RBKS: variants seen among roughly 807,000 people sequenced by gnomAD.
RBKS encodes ribokinase.
Under a neutral mutation model 33.9 loss-of-function variants are expected in RBKS, and 33 were observed. That is an observed-to-expected ratio of 0.97 (90% CI 0.74 to 1.30). The LOEUF is 1.30. Ranked by LOEUF, RBKS falls within the 50% of genes most tolerant of loss-of-function variation. The pLI is 0.00. For synonymous variants in RBKS, 125 were observed against 143.0 expected, an observed-to-expected ratio of 0.87 and a Z score of 0.90; for missense variants, 361 against 392.6, an observed-to-expected ratio of 0.92 and a Z score of 0.68.
At chr2:27,877,577 G>GC (rs893148313) in intron 1 of RBKS, among the ~76,000 whole-genome samples, 7 of 151,642 alleles carry the variant, frequency 4.6e-5, no homozygotes, top group African/African-American at 7.3e-5. Context: ...AACCGCCCCT[G>GC]CCCCCCCAAT....
chr2:27,866,657 C>G (rs899168653), intron 1 of RBKS, among the ~76,000 whole-genome samples: 1 of 152,140 alleles, frequency 6.6e-6, no homozygotes, highest in Non-Finnish European at 1.5e-5. Flanking sequence ...GTCATGTTCA[C>G]TCTGCTATTA....
intron 6 of RBKS, among the ~76,000 whole-genome samples, chr2:27,830,056 G>A (rs973041313): frequency 1.3e-5 from 2 of 152,152 alleles, no homozygotes; most frequent in Non-Finnish European, 2.9e-5. Flanking sequence ...TGGGGCTAGT[G>A]TACAGCCAGC....
intron 1 of RBKS, chr2:27,861,640 G>C (rs1343350031): frequency 2.3e-6 from 1 of 435,812 alleles, no homozygotes; most frequent in Non-Finnish European, 4.7e-6. Context: ...GGAATAAGGA[G>C]ATTAGTATGT....
chr2:27,782,764 CTTTAAT>C (rs1356836536), intron 7 of RBKS: 20 of 308,442 alleles, frequency 6.5e-5, no homozygotes, highest in South Asian at 8.3e-5. Flanking sequence ...CTCTTTGTTT[CTTTAAT>C]TTTAATTTTT....
intron 7 of RBKS, among the ~76,000 whole-genome samples, chr2:27,788,219 G>A (rs570112085): frequency 3.3e-5 from 5 of 152,156 alleles, no homozygotes; most frequent in African/African-American, 1.2e-4. Context: ...ACATTGTACT[G>A]GATTGCCTAG....
chr2:27,846,046 C>A (rs1242080034), intron 4 of RBKS, among the ~76,000 whole-genome samples: 1 of 152,006 alleles, frequency 6.6e-6, no homozygotes, highest in Non-Finnish European at 1.5e-5. Context: ...CTCACTGCAA[C>A]CTCCGCCTTG....
At chr2:27,844,787 T>A (rs1663589829) in intron 4 of RBKS, among the ~76,000 whole-genome samples, 1 of 152,212 alleles carries the variant, frequency 6.6e-6, no homozygotes, top group Non-Finnish European at 1.5e-5. Flanking sequence ...CTGTTCCTTT[T>A]TACTTTTTAA....
At chr2:27,838,592 C>G (rs546694989) in intron 5 of RBKS, among the ~76,000 whole-genome samples, 1 of 152,260 alleles carries the variant, frequency 6.6e-6, no homozygotes, top group South Asian at 2.1e-4. Context: ...GTGTAAATGC[C>G]ATAAAGAAAG....
At chr2:27,858,689 T>C (rs942235969) in intron 1 of RBKS, 118 bp from the exon 2 acceptor site, 14 of 853,298 alleles carry the variant, frequency 1.6e-5, no homozygotes, top group Non-Finnish European at 2.5e-5. Flanking sequence ...CAATTAGAAC[T>C]ATAAGCAGAA....
chr2:27,886,651 A>C (rs1354476073), intron 1 of RBKS, among the ~76,000 whole-genome samples: 1 of 152,148 alleles, frequency 6.6e-6, no homozygotes, highest in Non-Finnish European at 1.5e-5. Context: ...AAGTAGGAGG[A>C]TCGCTTGAGC....
chr2:27,867,622 A>C (rs1403771169), intron 1 of RBKS, among the ~76,000 whole-genome samples: 1 of 152,166 alleles, frequency 6.6e-6, no homozygotes, highest in Non-Finnish European at 1.5e-5. Flanking sequence ...TAAAAATTAA[A>C]ATACTACCTA....
intron 1 of RBKS, among the ~76,000 whole-genome samples, chr2:27,884,155 C>G (rs1026863935): frequency 6.6e-6 from 1 of 152,132 alleles, no homozygotes; most frequent in East Asian, 1.9e-4. Context: ...ATATGACAAG[C>G]CAAGAGGCTT....
At chr2:27,870,561 G>GT (rs1046192411) in intron 1 of RBKS, 1 of 346,576 alleles carries the variant, frequency 2.9e-6, no homozygotes, top group African/African-American at 2.1e-5. Flanking sequence ...GCGAAGAGAC[G>GT]TGAGTTAAGG....
chr2:27,846,091 A>C (rs1474327604), intron 4 of RBKS, among the ~76,000 whole-genome samples: 1 of 151,950 alleles, frequency 6.6e-6, no homozygotes, highest in Non-Finnish European at 1.5e-5. Context: ...CAGCCTCCTG[A>C]GTAGCTGAGA....
intron 7 of RBKS, among the ~76,000 whole-genome samples, chr2:27,818,089 G>A (rs1678133052): frequency 6.6e-6 from 1 of 152,136 alleles, no homozygotes; most frequent in African/African-American, 2.4e-5. Context: ...TATCCATTCT[G>A]CTTAATGGTG....
intron 1 of RBKS, among the ~76,000 whole-genome samples, chr2:27,880,885 T>C (rs912627302): frequency 6.6e-6 from 1 of 152,108 alleles, no homozygotes; most frequent in Non-Finnish European, 1.5e-5. Context: ...TAAGCTACCA[T>C]GACATTCATC....
chr2:27,840,327 T>TACACACACACACAC lies in RBKS; in HGVS notation c.514+2726_514+2739dup, dbSNP rs544313433. 6.8e-3 allele frequency among the ~76,000 whole-genome samples: 796 copies of TACACACACACACAC among 117,878 alleles called. 20 individuals carry two copies. Among genetic ancestry groups the TACACACACACACAC allele is most frequent in the East Asian group, 0.058 (224 of 3,848 alleles). The allele number at this position is 117,878 out of a possible 152,430, so 77.3% of individuals were successfully genotyped here. A position where few individuals can be genotyped will look rare whatever the true frequency, so the allele number is the denominator to read the frequency against. ...CTTGCATATGAGAATGATGATGCAT[T>TACACACACACACAC]ACACACACACACACACACACACACA... On this transcript the variant is annotated intron_variant, in intron 5 of 7. Transcript: ENST00000302188.
Position 27,875,149 on chromosome 2 carries a change from G to A in RBKS, c.89+15108C>T, listed in dbSNP as rs914082844. On this transcript the variant is annotated intron_variant, in intron 1 of 7. Coordinates refer to ENST00000302188, the MANE Select transcript of RBKS (RefSeq NM_022128.3). The stretch of plus-strand genomic sequence containing the variant: ...ACATCTCTCAACTAGTAATGTGTTC[G>A]TTAAAAATCCAGGAAATAGGCCTTT... Among the ~76,000 whole-genome samples the A allele has an allele frequency of 9.2e-5, 14 of 152,258 alleles. No individual in the cohort carries two copies. In the Middle Eastern group the frequency reaches 0.017, roughly 186 times the overall value.
intron 7 of RBKS, among the ~76,000 whole-genome samples, chr2:27,800,040 G>C (rs982432390): frequency 1.4e-5 from 2 of 143,996 alleles, no homozygotes; most frequent in Admixed American, 1.4e-4. Flanking sequence ...GCCCCTTGTT[G>C]TTAGGTGTCT....
Sources: allele counts gnomAD v4.1 joint callset (sites outside exome capture counted in the v4.1 genomes callset), GRCh38; gene constraint gnomAD v4.1.1; transcripts MANE v1.5; gene names NCBI Gene and HGNC (gene_info 2026-07-23, HGNC 2026-07-21).